The following ADAMTS15 variants were observed in gnomAD, a reference collection of about 807,000 sequenced individuals.
ADAMTS15 encodes the protein A disintegrin and metalloproteinase with thrombospondin motifs 15.
In ADAMTS15, 35 loss-of-function variants were observed where a neutral mutation model predicts 79.1. The observed-to-expected ratio is 0.44, with a 90% confidence interval of 0.34 to 0.59. The LOEUF (loss-of-function observed/expected upper bound fraction) is 0.59, where lower values mean the gene tolerates loss of function less well. ADAMTS15 is among the 20% of genes least tolerant of loss of function. ADAMTS15 has a pLI of 0.02. For synonymous variants in ADAMTS15, 616 were observed against 567.3 expected (o/e 1.09, Z -1.22); for missense variants, 1,324 against 1,318.7 (o/e 1.00, Z -0.06).
chr11:130,461,449 C>T (rs1252723611), intron 1 of ADAMTS15, 40 bp from the exon 2 acceptor site: 2 of 1,613,370 alleles, frequency 1.2e-6, no homozygotes, highest in African/African-American at 2.7e-5. Flanking sequence ...GTCACTGTCT[C>T]TAACTTCGGG....
At chr11:130,461,313 C>G (rs1193451851) in intron 1 of ADAMTS15, among the ~76,000 whole-genome samples, 176 bp from the exon 2 acceptor site, 4 of 152,164 alleles carry the variant, frequency 2.6e-5, no homozygotes, top group Non-Finnish European at 5.9e-5. Context: ...CAGGTTGATT[C>G]TGTGAACAGC....
chr11:130,452,361 G>A (rs1374039740), intron 1 of ADAMTS15, among the ~76,000 whole-genome samples: 1 of 152,234 alleles, frequency 6.6e-6, no homozygotes, highest in Non-Finnish European at 1.5e-5. Context: ...CATAACAGCA[G>A]GGTGAGGTCA....
rs1001876369 is a variant in ADAMTS15 at position 130,462,356 on chromosome 11, T to C, written c.1258+102T>C. ...TTCTCCGTCCTCTGTACATTAGGTG[T>C]GTGTGCCCCCTCGGAGCCGGGCTCT... is the stretch of plus-strand genomic sequence containing the variant. On this transcript the variant is annotated intron_variant, in intron 3 of 7. Coordinates refer to ENST00000299164, the MANE Select transcript of ADAMTS15 (RefSeq NM_139055.4). This position sits in a 1 kb window ranked among gnomAD's most constrained non-coding sequence, Gnocchi z 4.3. The C allele has an allele frequency of 6.7e-6, 10 of 1,489,820 alleles. No individual in the cohort carries two copies. The African/African-American group carries it at 1.1e-4, about 17-fold the overall frequency. 92.3% of individuals were successfully genotyped at this position (1,489,820 alleles called of 1,614,324 possible).
Position 130,462,013 on chromosome 11 carries a change from C to T in ADAMTS15, c.1091-74C>T. The T allele has an allele frequency of 2.4e-6, 2 of 835,250 alleles. 1 individual carries two copies. Among genetic ancestry groups the T allele is most frequent in the Non-Finnish European group, 3.9e-6 (2 of 514,354 alleles). The allele number at this position is 835,250 out of a possible 1,614,324, so 51.7% of individuals were successfully genotyped here. On this transcript the variant is annotated intron_variant, in intron 2 of 7. Coordinates refer to ENST00000299164, the MANE Select transcript of ADAMTS15 (RefSeq NM_139055.4). The surrounding 1 kb of genome is among the most constrained non-coding windows in gnomAD (Gnocchi z 4.3). ...AACCTCTGACATGGGCTTTCTAGTTCCCCTGCCCCATTCCTCCCTCCAACC... is the reference window on the plus strand; with the variant it reads ...AACCTCTGACATGGGCTTTCTAGTTTCCCTGCCCCATTCCTCCCTCCAACC...
At chr11:130,468,860 C>T (rs531603655) in intron 4 of ADAMTS15, among the ~76,000 whole-genome samples, 2 of 146,228 alleles carry the variant, frequency 1.4e-5, no homozygotes, top group East Asian at 4.1e-4. Flanking sequence ...TCACTTGAAC[C>T]TGGGAGGTGG....
Position 130,462,607 on chromosome 11 carries a change from A to G in ADAMTS15, c.1369A>G (p.Lys457Glu), listed in dbSNP as rs1938225567. 6.2e-7 allele frequency: 1 copy of G among 1,613,922 alleles called. No homozygotes were observed. Among genetic ancestry groups the G allele is most frequent in the Non-Finnish European group, 8.5e-7 (1 of 1,179,910 alleles). Residue 457 changes from lysine to glutamate, a missense_variant, in exon 4 of 8, where the codon AAG (lysine) becomes GAG (glutamate). Coordinates refer to ENST00000299164, the MANE Select transcript of ADAMTS15 (RefSeq NM_139055.4). This position sits in a 1 kb window ranked among gnomAD's most constrained non-coding sequence, Gnocchi z 4.3. ...QCELAFGVGS[K>E]PCPYMQYCTK... ...CGAGCTGGCTTTTGGCGTGGGCTCC[A>G]AGCCCTGTCCTTACATGCAGTACTG...
Position 130,473,348 on chromosome 11 carries a change from G to T in ADAMTS15, c.2380G>T (p.Val794Phe). 6.2e-7 allele frequency: 1 copy of T among 1,612,932 alleles called. No individual in the cohort carries two copies. The highest frequency in any genetic ancestry group is 1.1e-5 in the South Asian group (1 of 91,084). Residue 794 changes from valine to phenylalanine, a missense_variant, in exon 8 of 8, where the codon GTC (valine) becomes TTC (phenylalanine). Val to Phe is a conservative substitution (Grantham distance 50). Transcript: ENST00000299164. ...CGTGGGGAAGATGACACCGCCCCGG[G>T]TCCGCTACTCCTTCTATCTGCCCAA... ...LSVGKMTPPR[V>F]RYSFYLPKEP...
At position 130,462,033 on chromosome 11, in the gene ADAMTS15, C is replaced by G; in HGVS notation, c.1091-54C>G. 5.2e-6 allele frequency: 8 copies of G among 1,538,896 alleles called. No individual in the cohort carries two copies. The highest frequency in any genetic ancestry group is 5.3e-6 in the Non-Finnish European group (6 of 1,124,032). On this transcript the variant is annotated intron_variant, in intron 2 of 7. Transcript: ENST00000299164. This position sits in a 1 kb window ranked among gnomAD's most constrained non-coding sequence, Gnocchi z 4.3. ...TAGTTCCCCTGCCCCATTCCTCCCTCCAACCCCCATGTCCTTCCTCCTGCC... is the reference window on the plus strand; with the variant it reads ...TAGTTCCCCTGCCCCATTCCTCCCTGCAACCCCCATGTCCTTCCTCCTGCC...
intron 1 of ADAMTS15, chr11:130,450,407 A>G: frequency 4.1e-6 from 4 of 985,366 alleles, no homozygotes; most frequent in Non-Finnish European, 4.8e-6. Context: ...CGCTTGCTAC[A>G]TTTCTCTCGG....
chr11:130,449,802 T>C lies in ADAMTS15; in HGVS notation c.829T>C (p.Ser277Pro), dbSNP rs746024320. The C allele has an allele frequency of 1.2e-6, 2 of 1,611,686 alleles. No individual in the cohort carries two copies. The highest frequency in any genetic ancestry group is 2.2e-5 in the South Asian group (2 of 91,080). ...VKVLLLRDRD[S>P]GPKVTGNAAL... ...GGTGCTGCTTCTTAGAGATCGTGAC[T>C]CCGGGCCCAAGGTCACCGGCAATGC... Residue 277 changes from serine (S) to proline (P), a missense_variant, in exon 1 of 8, where the codon TCC (serine) becomes CCC (proline). By Grantham distance (74) the Ser-to-Pro change is moderately conservative (BLOSUM62 -1). Transcript: ENST00000299164. The surrounding 1 kb of genome is among the most constrained non-coding windows in gnomAD (Gnocchi z 7.8).
In ADAMTS15 at chr11:130,449,532, G is replaced by A; in HGVS notation, c.559G>A (p.Ala187Thr). Residue 187 changes from alanine (A) to threonine (T), a missense_variant, in exon 1 of 8, where the codon GCC (alanine) becomes ACC (threonine). Physicochemically the swap from Ala to Thr is moderately conservative, Grantham distance 58. Coordinates refer to ENST00000299164, the MANE Select transcript of ADAMTS15 (RefSeq NM_139055.4). This position sits in a 1 kb window ranked among gnomAD's most constrained non-coding sequence, Gnocchi z 7.8. ...ASGWNPAILR[A>T]LDPYKPRRAG... Reference sequence around the variant, plus strand: ...GGGCTGGAACCCCGCCATCCTACGGGCCCTGGACCCTTACAAGCCGCGGCG... The same window carrying A: ...GGGCTGGAACCCCGCCATCCTACGGACCCTGGACCCTTACAAGCCGCGGCG... 1 of 1,571,464 alleles carries A rather than the reference G, an allele frequency of 6.4e-7. No homozygotes were observed. The highest frequency in any genetic ancestry group is 2.3e-5 in the East Asian group (1 of 44,238).
chr11:130,459,519 G>A (rs1323738229), intron 1 of ADAMTS15, among the ~76,000 whole-genome samples: 3 of 152,308 alleles, frequency 2.0e-5, no homozygotes, highest in South Asian at 4.2e-4. Flanking sequence ...TCTTGGGAAG[G>A]AAAACTTTCT....
intron 4 of ADAMTS15, among the ~76,000 whole-genome samples, chr11:130,467,135 A>G (rs555537058): frequency 4.6e-5 from 7 of 152,198 alleles, no homozygotes; most frequent in Non-Finnish European, 1.0e-4. Context: ...ATAGGAAGCA[A>G]TGATACCAAA....
chr11:130,462,223 C>T lies in ADAMTS15; in HGVS notation c.1227C>T (p.Ala409=), dbSNP rs768384527. Residue 409 remains alanine, a synonymous_variant, in exon 3 of 8, where the codon GCC becomes GCT. Coordinates refer to ENST00000299164, the MANE Select transcript of ADAMTS15 (RefSeq NM_139055.4). This position sits in a 1 kb window ranked among gnomAD's most constrained non-coding sequence, Gnocchi z 4.3. ...RANPWSACSA[A]IITDFLDSGH... ...ACCCCTGGTCAGCCTGCAGTGCTGC[C>T]ATCATCACCGACTTCCTGGACAGCG... 3 of 1,614,106 alleles carry T rather than the reference C, an allele frequency of 1.9e-6. No homozygotes were observed. Among genetic ancestry groups the T allele is most frequent in the Admixed American group, 1.7e-5 (1 of 60,024 alleles).
At chr11:130,469,560 G>A in intron 5 of ADAMTS15, 121 bp downstream of exon 5, 1 of 754,084 alleles carries the variant, frequency 1.3e-6, no homozygotes. Flanking sequence ...AGGTAATTCA[G>A]GTAGTCTAGT....
Position 130,472,791 on chromosome 11 carries a change from C to T in ADAMTS15, c.2079-256C>T, listed in dbSNP as rs1021529751. 6.6e-6 allele frequency among the ~76,000 whole-genome samples: 1 copy of T among 152,102 alleles called. No homozygotes were observed. Among genetic ancestry groups the T allele is most frequent in the Non-Finnish European group, 1.5e-5 (1 of 68,036 alleles). ...TTTCTGTGCTTTGGTGGACTCAGTC[C>T]TCCCTGCAATTCAGTGAGGTGTGTG... is the stretch of plus-strand genomic sequence containing the variant. On this transcript the variant is annotated intron_variant, in intron 7 of 7. Coordinates refer to ENST00000299164, the MANE Select transcript of ADAMTS15 (RefSeq NM_139055.4). This position sits in a 1 kb window ranked among gnomAD's most constrained non-coding sequence, Gnocchi z 4.7.
chr11:130,466,314 C>T (rs1938298629), intron 4 of ADAMTS15, among the ~76,000 whole-genome samples: 1 of 152,212 alleles, frequency 6.6e-6, no homozygotes, highest in Non-Finnish European at 1.5e-5. Flanking sequence ...AAATTTGCAT[C>T]TTCAGTCCAG....
rs375221444 is a variant in ADAMTS15, at chr11:130,473,069, G to T, written c.2101G>T (p.Ala701Ser). The change falls in exon 8 of 8, where the codon GCC (alanine) becomes TCC (serine). Residue 701 changes from alanine to serine, a missense_variant. Coordinates refer to ENST00000299164, the MANE Select transcript of ADAMTS15 (RefSeq NM_139055.4). ...CAGGCATGGCTACAATTTCGTGGTG[G>T]CCATCCCCGCAGGCGCCTCAAGCAT... ...KPMHGYNFVV[A>S]IPAGASSIDI... 4.3e-6 allele frequency: 7 copies of T among 1,613,480 alleles called. No individual in the cohort carries two copies. In the Admixed American group the frequency reaches 6.7e-5, roughly 15 times the overall value.
At position 130,471,268 on chromosome 11, in the gene ADAMTS15, A is replaced by G. The variant is rs368055583; in HGVS notation, c.1963A>G (p.Ile655Val). 3 of 1,613,010 alleles carry G rather than the reference A, an allele frequency of 1.9e-6. No individual in the cohort carries two copies. The highest frequency in any genetic ancestry group is 1.7e-6 in the Non-Finnish European group (2 of 1,179,772). Residue 655 changes from isoleucine to valine, a missense_variant, in exon 7 of 8, where the codon ATC (isoleucine) becomes GTC (valine). Transcript: ENST00000299164. The part of the protein sequence containing the change: ...STSVCVQGKC[I>V]KAGCDGNLGS... Reference sequence around the variant, plus strand: ...CTCCGTCTGTGTCCAAGGCAAGTGCATCAAGGCTGGCTGTGATGGGAACCT... The same window carrying G: ...CTCCGTCTGTGTCCAAGGCAAGTGCGTCAAGGCTGGCTGTGATGGGAACCT...
Sources: allele counts gnomAD v4.1 joint callset (sites outside exome capture counted in the v4.1 genomes callset), GRCh38; gene constraint gnomAD v4.1.1; non-coding constraint Gnocchi (gnomAD v3.1); transcripts MANE v1.5; gene names NCBI Gene and HGNC (gene_info 2026-07-23, HGNC 2026-07-21).